Variants in ANKRD44 observed in about 807,000 individuals in gnomAD.
ANKRD44 encodes serine/threonine-protein phosphatase 6 regulatory ankyrin repeat subunit B.
Under a neutral mutation model 116.0 loss-of-function variants are expected in ANKRD44, and 35 were observed. That is an observed-to-expected ratio of 0.30 (90% CI 0.23 to 0.40). The LOEUF (loss-of-function observed/expected upper bound fraction) is 0.40, where lower values mean the gene tolerates loss of function less well. ANKRD44 is among the 10% of genes least tolerant of loss of function. ANKRD44 has a pLI of 1.00. For missense variants in ANKRD44, 1,014 were observed against 1,242.6 expected (o/e 0.82, Z 2.77); for synonymous variants, 435 against 461.8 (o/e 0.94, Z 0.74).
At chr2:197,003,827 A>C (rs889894431) in intron 21 of ANKRD44, among the ~76,000 whole-genome samples, 2 of 152,006 alleles carry the variant, frequency 1.3e-5, no homozygotes, top group African/African-American at 4.8e-5. Context: ...GTCACCCATT[A>C]GTAGGTTAAA....
intron 18 of ANKRD44, among the ~76,000 whole-genome samples, chr2:197,010,991 A>G (rs1164648106): frequency 6.6e-6 from 1 of 152,242 alleles, no homozygotes; most frequent in Non-Finnish European, 1.5e-5. Flanking sequence ...CACATTTTGT[A>G]GACCATTGCA....
At chr2:197,163,409 G>A (rs753688932) in intron 2 of ANKRD44, among the ~76,000 whole-genome samples, 28 of 152,192 alleles carry the variant, frequency 1.8e-4, no homozygotes, top group Non-Finnish European at 3.4e-4. Context: ...CCAGTTCCTG[G>A]GAGGCCAAGT....
chr2:196,994,888 G>A (rs958172130), intron 26 of ANKRD44: 9 of 152,498 alleles, frequency 5.9e-5, no homozygotes, highest in African/African-American at 9.7e-5. Flanking sequence ...TTCCTAAAGC[G>A]GAAAATGAAA....
intron 15 of ANKRD44, among the ~76,000 whole-genome samples, chr2:197,079,561 G>A (rs1318331878): frequency 6.6e-6 from 1 of 152,228 alleles, no homozygotes; most frequent in Non-Finnish European, 1.5e-5. Context: ...ACCCAGGAAT[G>A]TAATAAGTTC....
chr2:197,041,038 C>T (rs113734778), intron 16 of ANKRD44, among the ~76,000 whole-genome samples: 4,619 of 152,276 alleles, frequency 0.03, 116 homozygotes, highest in Non-Finnish European at 0.044. Context: ...AAAAGTCTTA[C>T]TATCCTTTGG....
chr2:197,103,192 C>T (rs903156000), intron 9 of ANKRD44, among the ~76,000 whole-genome samples: 13 of 144,660 alleles, frequency 9.0e-5, no homozygotes, highest in African/African-American at 2.8e-4. Flanking sequence ...TACGCCACTG[C>T]GCTCCAGCCT....
At position 196,980,111 on chromosome 2, in the gene ANKRD44, A is replaced by C. The variant is rs147931277; in HGVS notation, c.2369-12665T>G. Among the ~76,000 whole-genome samples the C allele has an allele frequency of 8.0e-3, 1,211 of 152,264 alleles. 9 individuals are homozygous for C. The highest frequency in any genetic ancestry group is 0.019 in the South Asian group (91 of 4,826). On this transcript the variant is annotated intron_variant, in intron 21 of 21. Transcript: ENST00000424317. Reference sequence around the variant, plus strand: ...TTGCAGTAAATTAATTGGTTTTCTCAATCTAATTTCTAGTGTTAGCTGTAA... The same window carrying C: ...TTGCAGTAAATTAATTGGTTTTCTCCATCTAATTTCTAGTGTTAGCTGTAA...
At chr2:197,063,629 C>A (rs182837390) in intron 16 of ANKRD44, among the ~76,000 whole-genome samples, 93 of 152,250 alleles carry the variant, frequency 6.1e-4, no homozygotes, top group Admixed American at 5.5e-3. Flanking sequence ...GAGCTGAAAA[C>A]CATGGCACAA....
intron 9 of ANKRD44, among the ~76,000 whole-genome samples, chr2:197,108,821 G>A (rs1290071930): frequency 6.7e-6 from 1 of 149,870 alleles, no homozygotes; most frequent in Admixed American, 6.7e-5. Context: ...CTGAGCAACA[G>A]AGTGAGAAAG....
intron 1 of ANKRD44, among the ~76,000 whole-genome samples, chr2:197,197,827 A>AAAAAAAAG (rs1553528679): frequency 2.7e-4 from 12 of 45,148 alleles, no homozygotes; most frequent in Non-Finnish European, 8.2e-4. Context: ...AAAAAAAAAA[A>AAAAAAAAG]AAAGAAAGAA....
chr2:197,183,689 GA>G (rs755831803), intron 2 of ANKRD44, among the ~76,000 whole-genome samples: 3 of 152,206 alleles, frequency 2.0e-5, no homozygotes, highest in Non-Finnish European at 4.4e-5. Context: ...AGAGTCTAAA[GA>G]GGGGTGAGTA....
intron 1 of ANKRD44, among the ~76,000 whole-genome samples, chr2:197,191,635 G>C (rs2080825727): frequency 6.6e-6 from 1 of 152,168 alleles, no homozygotes; most frequent in Non-Finnish European, 1.5e-5. Context: ...AATTCCACTA[G>C]GGGGAGCAAG....
intron 1 of ANKRD44, among the ~76,000 whole-genome samples, chr2:197,290,096 G>C (rs867962095): frequency 6.6e-6 from 1 of 151,990 alleles, no homozygotes; most frequent in African/African-American, 2.4e-5. Flanking sequence ...CTGACTTCAA[G>C]TGATCTGCCC....
At chr2:197,250,683 T>C (rs1209472604) in intron 1 of ANKRD44, among the ~76,000 whole-genome samples, 1 of 152,222 alleles carries the variant, frequency 6.6e-6, no homozygotes, top group Non-Finnish European at 1.5e-5. Flanking sequence ...TAGAGGCCAT[T>C]ATTATCTCTA....
intron 16 of ANKRD44, among the ~76,000 whole-genome samples, chr2:197,059,840 C>G (rs1345358472): frequency 1.3e-5 from 2 of 152,222 alleles, no homozygotes; most frequent in African/African-American, 4.8e-5. Context: ...AACAGGTTCT[C>G]TGATATTTTG....
At chr2:197,032,699 T>A (rs1368698903) in intron 16 of ANKRD44, among the ~76,000 whole-genome samples, 1 of 152,218 alleles carries the variant, frequency 6.6e-6, no homozygotes, top group East Asian at 1.9e-4. Context: ...GAAGTGTCAC[T>A]CTTTTATTCA....
chr2:197,308,895 GA>G (rs1332538846), intron 1 of ANKRD44, among the ~76,000 whole-genome samples: 1 of 152,160 alleles, frequency 6.6e-6, no homozygotes, highest in African/African-American at 2.4e-5. Flanking sequence ...CAAGCACCTG[GA>G]AGGCAGAAGA....
At chr2:197,154,340 C>T (rs1343257682) in intron 2 of ANKRD44, among the ~76,000 whole-genome samples, 1 of 151,586 alleles carries the variant, frequency 6.6e-6, no homozygotes, top group African/African-American at 2.4e-5. Context: ...CTACCACGCC[C>T]GGCTAATTTT....
intron 21 of ANKRD44, among the ~76,000 whole-genome samples, chr2:196,978,978 A>G (rs1017007166): frequency 2.0e-5 from 3 of 152,008 alleles, no homozygotes; most frequent in Non-Finnish European, 2.9e-5. Context: ...GATATAGCAT[A>G]GTCGTAAAGA....
Sources: allele counts gnomAD v4.1 joint callset (sites outside exome capture counted in the v4.1 genomes callset), GRCh38; gene constraint gnomAD v4.1.1; transcripts MANE v1.5; gene names NCBI Gene and HGNC (gene_info 2026-07-23, HGNC 2026-07-21).